The following NRXN3 variants were observed in gnomAD, a reference collection of about 807,000 sequenced individuals.
NRXN3 encodes the protein neurexin III.
In NRXN3, 32 loss-of-function variants were observed where a neutral mutation model predicts 137.6. That is an observed-to-expected ratio of 0.23 (90% confidence interval 0.18 to 0.31). NRXN3 has a LOEUF of 0.31. Ranked by LOEUF, NRXN3 falls within the 10% of genes least tolerant of loss-of-function variation. The pLI, the probability that NRXN3 is intolerant of heterozygous loss-of-function variation, is 1.00. For synonymous variants in NRXN3, 798 were observed against 784.5 expected (o/e 1.02, Z -0.29); for missense variants, 1,574 against 2,062.5 (o/e 0.76, Z 4.59).
intron 4 of NRXN3, among the ~76,000 whole-genome samples, chr14:78,469,100 G>A (rs779441829): frequency 1.8e-4 from 27 of 152,088 alleles, no homozygotes; most frequent in African/African-American, 5.6e-4. Context: ...CAATAAAATC[G>A]CCTAAAGAGC....
chr14:79,144,400 G>T (rs2153007215), intron 15 of NRXN3, among the ~76,000 whole-genome samples: 1 of 152,262 alleles, frequency 6.6e-6, no homozygotes, highest in Middle Eastern at 3.4e-3. Context: ...CCTGAGATTG[G>T]AATGGACAAG....
chr14:78,904,096 C>T lies in NRXN3; in HGVS notation c.2276-53146C>T, dbSNP rs376354458. On this transcript the variant is annotated intron_variant, in intron 10 of 20. Coordinates refer to ENST00000335750, the MANE Select transcript of NRXN3 (RefSeq NM_001330195.2). ...GAAACTGTGACTCATAGAGATCAGG[C>T]GATATGTCAAGATTATTCAGATAGT... Among the ~76,000 whole-genome samples the T allele has an allele frequency of 4.5e-4, 68 of 152,076 alleles. 2 individuals are homozygous for T. The South Asian group carries it at 0.013, about 29-fold the overall frequency.
chr14:78,817,052 T>A (rs2098935823), intron 10 of NRXN3, among the ~76,000 whole-genome samples: 1 of 152,218 alleles, frequency 6.6e-6, no homozygotes, highest in African/African-American at 2.4e-5. Flanking sequence ...TGTAGAAAAG[T>A]AGCAATATGT....
intron 4 of NRXN3, among the ~76,000 whole-genome samples, chr14:78,390,992 C>A (rs1317837274): frequency 6.6e-6 from 1 of 152,142 alleles, no homozygotes; most frequent in East Asian, 1.9e-4. Flanking sequence ...TCCATGTGTT[C>A]TCATTCTTCA....
intron 15 of NRXN3, chr14:79,314,087 C>T (rs1247905040): frequency 6.4e-6 from 1 of 155,872 alleles, no homozygotes; most frequent in Non-Finnish European, 1.4e-5. Flanking sequence ...AGGAACAGCT[C>T]CGGTCTACAG....
intron 8 of NRXN3, among the ~76,000 whole-genome samples, chr14:78,787,817 A>G (rs1379049771): frequency 6.6e-6 from 1 of 152,172 alleles, no homozygotes; most frequent in East Asian, 1.9e-4. Flanking sequence ...AAGAAATATA[A>G]AAGATTTAAC....
intron 4 of NRXN3, among the ~76,000 whole-genome samples, chr14:78,620,914 G>A (rs1415020687): frequency 6.6e-6 from 1 of 152,150 alleles, no homozygotes; most frequent in Non-Finnish European, 1.5e-5. Flanking sequence ...TACCCAGGAA[G>A]GACCAAACAA....
chr14:78,967,985 T>C (rs1216721408), intron 13 of NRXN3, among the ~76,000 whole-genome samples, 188 bp from the exon 14 acceptor site: 1 of 141,490 alleles, frequency 7.1e-6, no homozygotes, highest in Non-Finnish European at 1.5e-5. Flanking sequence ...GAATGACACA[T>C]AATAAATATT....
At position 78,988,161 on chromosome 14, in the gene NRXN3, A is replaced by G; in HGVS notation, c.3262+20A>G. 7 of 1,613,504 alleles carry G rather than the reference A, an allele frequency of 4.3e-6. No homozygotes were observed. Among genetic ancestry groups the G allele is most frequent in the Non-Finnish European group, 5.9e-6 (7 of 1,179,592 alleles). On this transcript the variant is annotated intron_variant, in intron 15 of 20. Transcript: ENST00000335750. ...ATGATCGTAAGTACAACAACCTTTC[A>G]TACTGGAACTTTGTGAAGATGTTTG...
intron 4 of NRXN3, among the ~76,000 whole-genome samples, chr14:78,436,780 G>A (rs1258559270): frequency 6.6e-6 from 1 of 152,210 alleles, no homozygotes; most frequent in Non-Finnish European, 1.5e-5. Flanking sequence ...ATTGGGGAGT[G>A]TCAAGTTGAT....
intron 15 of NRXN3, among the ~76,000 whole-genome samples, chr14:79,287,092 A>G (rs1251074337): frequency 6.6e-6 from 1 of 152,188 alleles, no homozygotes; most frequent in Non-Finnish European, 1.5e-5. Context: ...GATAGTGGTT[A>G]AAGAACATGC....
intron 16 of NRXN3, among the ~76,000 whole-genome samples, chr14:79,623,690 A>C (rs1175299086): frequency 6.6e-6 from 1 of 152,218 alleles, no homozygotes; most frequent in South Asian, 2.1e-4. Flanking sequence ...TTCATTCAGG[A>C]TATTTAATTC....
chr14:79,229,421 C>T (rs2153275359), intron 15 of NRXN3, among the ~76,000 whole-genome samples: 1 of 152,306 alleles, frequency 6.6e-6, no homozygotes, highest in East Asian at 1.9e-4. Flanking sequence ...GTGTAAAGTG[C>T]CATCCAACTC....
At chr14:78,831,428 T>A (rs1328659412) in intron 10 of NRXN3, among the ~76,000 whole-genome samples, 1 of 148,404 alleles carries the variant, frequency 6.7e-6, no homozygotes, top group Non-Finnish European at 1.5e-5. Flanking sequence ...CCCAGCTACT[T>A]GGGATACTGA....
intron 15 of NRXN3, among the ~76,000 whole-genome samples, chr14:79,147,006 C>G (rs2059360772): frequency 1.3e-5 from 2 of 151,722 alleles, no homozygotes; most frequent in Non-Finnish European, 2.9e-5. Context: ...TCTCTTCTAT[C>G]AGGTGGGAGG....
At chr14:79,593,497 G>A (rs2097828435) in intron 16 of NRXN3, among the ~76,000 whole-genome samples, 1 of 152,006 alleles carries the variant, frequency 6.6e-6, no homozygotes, top group Admixed American at 6.6e-5. Flanking sequence ...CGGGCGTGGT[G>A]GCGGGCGCCT....
At chr14:78,728,804 C>T (rs1005718503) in intron 8 of NRXN3, among the ~76,000 whole-genome samples, 8 of 152,162 alleles carry the variant, frequency 5.3e-5, no homozygotes, top group African/African-American at 1.9e-4. Flanking sequence ...GAGGCTGAGG[C>T]AGGAGAATCG....
At chr14:78,248,402 G>A (rs2068067479) in intron 2 of NRXN3, among the ~76,000 whole-genome samples, 1 of 149,432 alleles carries the variant, frequency 6.7e-6, no homozygotes, top group African/African-American at 2.5e-5. Flanking sequence ...GCCTTCGCAT[G>A]CCTTCCTGAA....
chr14:78,207,657 C>G (rs541625894), intron 1 of NRXN3, among the ~76,000 whole-genome samples: 2 of 152,270 alleles, frequency 1.3e-5, no homozygotes, highest in Admixed American at 6.5e-5. Flanking sequence ...ATCCAGGAAT[C>G]TGAGCTGGAA....
Sources: allele counts gnomAD v4.1 joint callset (sites outside exome capture counted in the v4.1 genomes callset), GRCh38; gene constraint gnomAD v4.1.1; transcripts MANE v1.5; gene names NCBI Gene and HGNC (gene_info 2026-07-23, HGNC 2026-07-21).